The following PPFIBP2 variants were observed in gnomAD, a reference collection of about 807,000 sequenced individuals.
The protein encoded by PPFIBP2 is liprin-beta-2.
PPFIBP2 carries 118 observed loss-of-function variants against 118.3 expected under a neutral mutation model. That is an observed-to-expected ratio of 1.00 (90% CI 0.86 to 1.16). PPFIBP2 has a LOEUF of 1.16. PPFIBP2 is among the 50% of genes most tolerant of loss of function. The probability of loss-of-function intolerance (pLI) is 0.00; values close to 1 mark genes in which losing one functional copy is unlikely to be tolerated. For missense variants in PPFIBP2, 1,195 were observed against 1,073.1 expected, an observed-to-expected ratio of 1.11 and a Z score of -1.59; for synonymous variants, 414 against 397.4, an observed-to-expected ratio of 1.04 and a Z score of -0.50.
At chr11:7,533,964 A>G (rs1283987240) in intron 1 of PPFIBP2, among the ~76,000 whole-genome samples, 1 of 152,230 alleles carries the variant, frequency 6.6e-6, no homozygotes, top group Non-Finnish European at 1.5e-5. Context: ...TGCACAGGGA[A>G]AGAAAGACAG....
In PPFIBP2 at chr11:7,631,123, A is replaced by G; in HGVS notation, c.1068+95A>G. 3 of 901,228 alleles carry G rather than the reference A, an allele frequency of 3.3e-6. No individual in the cohort carries two copies. In the Admixed American group the frequency reaches 5.6e-5, roughly 17 times the overall value. The allele number at this position is 901,228 out of a possible 1,614,324, so 55.8% of individuals were successfully genotyped here. On this transcript the variant is annotated intron_variant, in intron 11 of 23. Coordinates refer to ENST00000299492, the MANE Select transcript of PPFIBP2 (RefSeq NM_003621.5). ...ATCTAGTCAGACACGTGTCAGGTGC[A>G]CATCTTGGCAGGTGAATACTTAAAT...
intron 6 of PPFIBP2, chr11:7,617,338 C>T (rs1455565316): frequency 2.9e-5 from 28 of 977,866 alleles, no homozygotes; most frequent in Non-Finnish European, 3.4e-5. Context: ...GTGTGTGGGG[C>T]ATTTCACTGG....
intron 17 of PPFIBP2, among the ~76,000 whole-genome samples, chr11:7,647,699 G>A (rs1565121720): frequency 6.6e-6 from 1 of 152,190 alleles, no homozygotes; most frequent in Non-Finnish European, 1.5e-5. Context: ...ACCTCACTGA[G>A]CTTTCTTGGG....
chr11:7,629,336 T>A, intron 9 of PPFIBP2, 123 bp from the exon 10 acceptor site: 1 of 949,960 alleles, frequency 1.1e-6, no homozygotes, highest in Non-Finnish European at 1.7e-6. Context: ...CTGGACACTC[T>A]TTTCCTTTGG....
At chr11:7,604,446 C>T (rs1847078688) in intron 5 of PPFIBP2, among the ~76,000 whole-genome samples, 2 of 150,578 alleles carry the variant, frequency 1.3e-5, no homozygotes, top group Admixed American at 6.6e-5. Flanking sequence ...CCACACACAC[C>T]CACCTACTCA....
At chr11:7,621,138 C>T (rs2135620465) in intron 7 of PPFIBP2, 111 bp downstream of exon 7, 1 of 793,258 alleles carries the variant, frequency 1.3e-6, no homozygotes, top group African/African-American at 1.7e-5. Flanking sequence ...CAAATCAACC[C>T]TCCAGTGTGG....
Position 7,597,601 on chromosome 11 carries a change from G to T in PPFIBP2, c.414G>T (p.Lys138Asn). 6.2e-7 allele frequency: 1 copy of T among 1,614,098 alleles called. No individual in the cohort carries two copies. Among genetic ancestry groups the T allele is most frequent in the Non-Finnish European group, 8.5e-7 (1 of 1,180,024 alleles). Residue 138 changes from lysine (K) to asparagine (N), a missense_variant, in exon 5 of 24, where the codon AAG (lysine) becomes AAT (asparagine). Lys to Asn is a moderately conservative substitution (Grantham distance 94). Coordinates refer to ENST00000299492, the MANE Select transcript of PPFIBP2 (RefSeq NM_003621.5). Reference sequence around the variant, plus strand: ...ACCAAGTAGAAGCCCAGGGAGAAAAGATTCGAGACCTGGAAGTGTGTCTGG... The same window carrying T: ...ACCAAGTAGAAGCCCAGGGAGAAAATATTCGAGACCTGGAAGTGTGTCTGG... The part of the protein sequence containing the change: ...LTDQVEAQGE[K>N]IRDLEVCLEG...
chr11:7,547,485 T>C (rs1314901403), intron 1 of PPFIBP2, among the ~76,000 whole-genome samples: 3 of 152,170 alleles, frequency 2.0e-5, no homozygotes, highest in Admixed American at 6.5e-5. Context: ...TTTCAAACTT[T>C]TAATATCCCT....
Position 7,610,419 on chromosome 11 carries a change from A to G in PPFIBP2, c.615A>G (p.Ala205=), listed in dbSNP as rs1847924358. Residue 205 remains alanine (A), a synonymous_variant, in exon 6 of 24, where the codon GCA becomes GCG. Transcript: ENST00000299492. ...AGCAGGAGGAGAAGCAGAGAAAAGC[A>G]GAGGTAAGGGTGAGTGTGTACTGTC... The part of the protein sequence containing the change: ...QREQEEKQRK[A]EELLQELRHL... 1 of 1,613,534 alleles carries G rather than the reference A, an allele frequency of 6.2e-7. No homozygotes were observed. The highest frequency in any genetic ancestry group is 1.3e-5 in the African/African-American group (1 of 75,056).
the PPFIBP2 span, among the ~76,000 whole-genome samples, chr11:7,663,414 G>T: frequency 6.6e-6 from 1 of 151,968 alleles, no homozygotes; most frequent in African/African-American, 2.4e-5. Context: ...GCTGTGTGAG[G>T]TGTCGGTGTG....
At chr11:7,611,078 C>T (rs1295309553) in intron 6 of PPFIBP2, among the ~76,000 whole-genome samples, 1 of 152,184 alleles carries the variant, frequency 6.6e-6, no homozygotes, top group Non-Finnish European at 1.5e-5. Flanking sequence ...TGTGCCTCTA[C>T]CTTTAAGTTC....
At chr11:7,657,621 T>A (rs1431044932), downstream of PPFIBP2, among the ~76,000 whole-genome samples, 1 of 152,204 alleles carries the variant, frequency 6.6e-6, no homozygotes, top group East Asian at 1.9e-4. Flanking sequence ...GTCTGTTTCC[T>A]CTCCACTCTT....
At chr11:7,528,180 A>C (rs1850388889) in intron 1 of PPFIBP2, among the ~76,000 whole-genome samples, 1 of 152,216 alleles carries the variant, frequency 6.6e-6, no homozygotes, top group Non-Finnish European at 1.5e-5. Context: ...TTTAGGCAGG[A>C]AGATGGTCAG....
intron 1 of PPFIBP2, among the ~76,000 whole-genome samples, chr11:7,527,937 T>A (rs1850369106): frequency 1.3e-5 from 2 of 152,012 alleles, no homozygotes; most frequent in Non-Finnish European, 2.9e-5. Flanking sequence ...GAGCACAGAG[T>A]CTGTGCTCAC....
At chr11:7,660,046 G>A (rs1194295153), downstream of PPFIBP2, among the ~76,000 whole-genome samples, 993 of 124,408 alleles carry the variant, frequency 8.0e-3, 100 homozygotes, top group African/African-American at 0.024. Context: ...AGGAGATTTT[G>A]GGCTGAGACA....
At chr11:7,546,644 A>G (rs10839803) in intron 1 of PPFIBP2, among the ~76,000 whole-genome samples, 41,064 of 152,206 alleles carry the variant, frequency 0.27, 6,807 homozygotes, top group African/African-American at 0.48. Flanking sequence ...TGTGAATTCC[A>G]TGGAAGGCTT....
At chr11:7,557,874 A>G (rs1683464910) in intron 2 of PPFIBP2, among the ~76,000 whole-genome samples, 1 of 152,132 alleles carries the variant, frequency 6.6e-6, no homozygotes, top group Admixed American at 6.5e-5. Flanking sequence ...TTTAAGTGGC[A>G]AGGTTTTAGA....
rs1854416501 is a variant in PPFIBP2 at position 7,653,754 on chromosome 11, A to T, written c.*536A>T. 2 of 1,209,252 alleles carry T rather than the reference A, an allele frequency of 1.7e-6. No homozygotes were observed. The highest frequency in any genetic ancestry group is 2.1e-6 in the Non-Finnish European group (2 of 952,974). The allele number at this position is 1,209,252 out of a possible 1,614,324, so 74.9% of individuals were successfully genotyped here. A position where few individuals can be genotyped will look rare whatever the true frequency, so the allele number is the denominator to read the frequency against. ...TGTAATAAAAGCAATATTTATGCGGAAAGCAAGCAGCTCACCATATCTTTA... is the reference window on the plus strand; with the variant it reads ...TGTAATAAAAGCAATATTTATGCGGTAAGCAAGCAGCTCACCATATCTTTA... On this transcript the variant is annotated 3_prime_UTR_variant, in exon 24 of 24. Transcript: ENST00000299492.
intron 2 of PPFIBP2, among the ~76,000 whole-genome samples, chr11:7,562,974 T>TACACACAC (rs1397557338): frequency 8.4e-6 from 1 of 119,346 alleles, no homozygotes; most frequent in African/African-American, 3.0e-5. Context: ...TATATATATA[T>TACACACAC]ATACACGCAC....
Sources: allele counts gnomAD v4.1 joint callset (sites outside exome capture counted in the v4.1 genomes callset), GRCh38; gene constraint gnomAD v4.1.1; transcripts MANE v1.5; gene names NCBI Gene and HGNC (gene_info 2026-07-23, HGNC 2026-07-21).